SRGAP3: variants seen among roughly 807,000 people sequenced by gnomAD.
The protein encoded by SRGAP3 is SLIT-ROBO Rho GTPase-activating protein 3.
A neutral mutation model predicts 121.1 loss-of-function variants in SRGAP3; 39 were observed. That is an observed-to-expected ratio of 0.32 (90% CI 0.25 to 0.42). The LOEUF is 0.42. SRGAP3 is among the 10% of genes least tolerant of loss of function. SRGAP3 has a pLI of 1.00. For missense variants in SRGAP3, 1,213 were observed against 1,470.6 expected, an observed-to-expected ratio of 0.82 and a Z score of 2.86; for synonymous variants, 601 against 570.0, an observed-to-expected ratio of 1.05 and a Z score of -0.77.
At chr3:9,115,108 G>A (rs1304654714) in intron 2 of SRGAP3, among the ~76,000 whole-genome samples, 1 of 152,082 alleles carries the variant, frequency 6.6e-6, no homozygotes, top group Non-Finnish European at 1.5e-5. Context: ...GTTCTTTCAC[G>A]GGTCAGCTGT....
In SRGAP3 at chr3:9,318,454, G is replaced by A. The variant is rs988859573; in HGVS notation, n.442+7556C>T. On this transcript the variant is annotated intron_variant and non_coding_transcript_variant, in intron 3 of 3. Transcript: ENST00000490889. Reference sequence around the variant, plus strand: ...CCTCCTTCCCCCTGCTACCTACCCCGCTTCTCTGCCCAGAGCAGTGGAATG... The same window carrying A: ...CCTCCTTCCCCCTGCTACCTACCCCACTTCTCTGCCCAGAGCAGTGGAATG... Among the ~76,000 whole-genome samples, 11 of 151,656 alleles carry A rather than the reference G, an allele frequency of 7.3e-5. No individual in the cohort carries two copies. In the South Asian group the frequency reaches 8.3e-4, roughly 11 times the overall value.
chr3:9,140,172 C>G (rs1949800196), intron 1 of SRGAP3, among the ~76,000 whole-genome samples: 1 of 151,600 alleles, frequency 6.6e-6, no homozygotes, highest in African/African-American at 2.4e-5. Flanking sequence ...AATGTATGTG[C>G]AGGGAGACTT....
chr3:9,000,116 T>C (rs1048465415), intron 18 of SRGAP3, among the ~76,000 whole-genome samples: 1 of 152,202 alleles, frequency 6.6e-6, no homozygotes, highest in East Asian at 1.9e-4. Flanking sequence ...TACCATCTTC[T>C]AGTCACAGGG....
intron 10 of SRGAP3, among the ~76,000 whole-genome samples, chr3:9,044,232 C>A (rs1352914756): frequency 6.6e-6 from 1 of 152,222 alleles, no homozygotes; most frequent in Non-Finnish European, 1.5e-5. Flanking sequence ...CCACGCTTAT[C>A]TGTGGGGAAT....
At chr3:9,253,585 A>G (rs193224520), upstream of SRGAP3, among the ~76,000 whole-genome samples, 1 of 152,292 alleles carries the variant, frequency 6.6e-6, no homozygotes, top group African/African-American at 2.4e-5. Context: ...CCCCTCGCCG[A>G]GATGACTAAT....
At chr3:9,018,480 T>A (rs1943749888) in intron 14 of SRGAP3, among the ~76,000 whole-genome samples, 1 of 152,220 alleles carries the variant, frequency 6.6e-6, no homozygotes, top group African/African-American at 2.4e-5. Context: ...CCACAGTATA[T>A]AAGAGTTCCC....
intron 1 of SRGAP3, among the ~76,000 whole-genome samples, chr3:9,152,319 T>C (rs546308269): frequency 1.3e-5 from 2 of 152,232 alleles, no homozygotes; most frequent in African/African-American, 2.4e-5. Context: ...GGACCAGGAA[T>C]GGATAGTGAT....
At chr3:9,097,214 C>A (rs1575069441) in intron 3 of SRGAP3, among the ~76,000 whole-genome samples, 1 of 151,776 alleles carries the variant, frequency 6.6e-6, no homozygotes, top group African/African-American at 2.4e-5. Context: ...TGGTCTCAAG[C>A]TCCTGGCCTC....
At chr3:9,149,992 G>A (rs551467742) in intron 1 of SRGAP3, among the ~76,000 whole-genome samples, 3 of 152,212 alleles carry the variant, frequency 2.0e-5, no homozygotes, top group African/African-American at 7.2e-5. Context: ...GGGAAACAGT[G>A]GTGGGCAAAG....
At chr3:9,201,805 GATAA>G (rs144972146) in intron 1 of SRGAP3, among the ~76,000 whole-genome samples, 5 of 152,206 alleles carry the variant, frequency 3.3e-5, no homozygotes, top group Non-Finnish European at 7.3e-5. Flanking sequence ...TTGCCTAACT[GATAA>G]ATAAAGAGAA....
rs73126628 is a variant in SRGAP3, at chr3:9,333,171, T to C, written n.215-2575A>G. Among the ~76,000 whole-genome samples, 951 of 152,302 alleles carry C rather than the reference T, an allele frequency of 6.2e-3. 7 individuals carry two copies. Among genetic ancestry groups the C allele is most frequent in the African/African-American group, 0.022 (913 of 41,564 alleles). ...TGTTATTACTCTCGGAAAGGAAGAA[T>C]GCAAACAATAATAAAGCCATCAGAC... is the stretch of plus-strand genomic sequence containing the variant. On this transcript the variant is annotated intron_variant and non_coding_transcript_variant, in intron 1 of 3. Coordinates refer to the SRGAP3 transcript ENST00000490889.
chr3:9,301,624 C>A (rs1366068261), intron 3 of SRGAP3, among the ~76,000 whole-genome samples: 1 of 152,130 alleles, frequency 6.6e-6, no homozygotes, highest in Non-Finnish European at 1.5e-5. Flanking sequence ...CCTTTGGGAG[C>A]CTGTGTTTGT....
chr3:9,315,064 A>G (rs759684849), intron 3 of SRGAP3, among the ~76,000 whole-genome samples: 1 of 152,234 alleles, frequency 6.6e-6, no homozygotes, highest in Non-Finnish European at 1.5e-5. Flanking sequence ...TATACTGGTC[A>G]GGCTGGTCTG....
chr3:9,128,212 C>A (rs1051091745), intron 1 of SRGAP3, among the ~76,000 whole-genome samples: 4 of 152,306 alleles, frequency 2.6e-5, no homozygotes, highest in East Asian at 1.9e-4. Flanking sequence ...TTATGAGAAG[C>A]ATTTCCCATA....
chr3:9,174,003 G>A (rs1179530099), intron 1 of SRGAP3, among the ~76,000 whole-genome samples: 1 of 150,508 alleles, frequency 6.6e-6, no homozygotes, highest in African/African-American at 2.4e-5. Context: ...CGGATGGATG[G>A]GTCAACCAGA....
intron 1 of SRGAP3, among the ~76,000 whole-genome samples, chr3:9,173,870 A>T (rs1484602803): frequency 6.6e-6 from 1 of 152,204 alleles, no homozygotes; most frequent in Non-Finnish European, 1.5e-5. Context: ...TTACCCCCAG[A>T]GCATGGGAAC....
intron 1 of SRGAP3, among the ~76,000 whole-genome samples, chr3:9,362,452 C>T (rs535824129): frequency 6.0e-5 from 9 of 150,238 alleles, no homozygotes; most frequent in Non-Finnish European, 1.0e-4. Context: ...GCATGAGCCA[C>T]TGTGCCCGGC....
At chr3:9,354,681 C>CAAAA (rs34026081) in intron 1 of SRGAP3, among the ~76,000 whole-genome samples, 1 of 70,802 alleles carries the variant, frequency 1.4e-5, no homozygotes, top group Non-Finnish European at 3.2e-5. Context: ...GACTCCATCT[C>CAAAA]AAAAAAAAAA....
intron 1 of SRGAP3, among the ~76,000 whole-genome samples, chr3:9,208,838 T>C (rs1560421227): frequency 6.6e-6 from 1 of 152,190 alleles, no homozygotes; most frequent in Non-Finnish European, 1.5e-5. Context: ...TCATTTTCCA[T>C]GGGGAAAGAA....
Sources: gnomAD v4.1 joint callset for allele counts (sites outside exome capture counted in the v4.1 genomes callset) on GRCh38, gnomAD v4.1.1 for gene constraint, MANE v1.5 for transcripts, NCBI Gene and HGNC (gene_info 2026-07-23, HGNC 2026-07-21) for gene names.